Variants in DPYSL4 observed in about 807,000 individuals in gnomAD.
DPYSL4 encodes dihydropyrimidinase-related protein 4.
Under a neutral mutation model 63.4 loss-of-function variants are expected in DPYSL4, and 43 were observed. The observed-to-expected ratio is 0.68, with a 90% CI of 0.53 to 0.88. The LOEUF (loss-of-function observed/expected upper bound fraction) is 0.88. Ranked by LOEUF, DPYSL4 falls within the 40% of genes least tolerant of loss-of-function variation. The pLI is 0.00. For missense variants in DPYSL4, 733 were observed against 819.5 expected, an observed-to-expected ratio of 0.89 and a Z score of 1.29; for synonymous variants, 353 against 331.7, an observed-to-expected ratio of 1.06 and a Z score of -0.70.
Position 132,202,819 on chromosome 10 carries a change from C to T in DPYSL4, c.1455C>T (p.Arg485=). ...TTGTCTACAAGAGGATCAAAGCTCG[C>T]AACAGGGTAGGGCGGCACCCGCAAG... ...PDFVYKRIKA[R]NRLAEIHGVP... Residue 485 remains arginine (R), a synonymous_variant, in exon 12 of 14, where the codon CGC becomes CGT. Transcript: ENST00000338492. The T allele has an allele frequency of 6.3e-7, 1 of 1,596,380 alleles. No homozygotes were observed. Among genetic ancestry groups the T allele is most frequent in the East Asian group, 2.2e-5 (1 of 44,750 alleles).
In DPYSL4 at chr10:132,192,645, C is replaced by T; in HGVS notation, c.129-13C>T. The T allele has an allele frequency of 1.3e-6, 2 of 1,591,488 alleles. No homozygotes were observed. The highest frequency in any genetic ancestry group is 2.3e-5 in the East Asian group (1 of 44,368). On this transcript the variant is annotated splice_polypyrimidine_tract_variant and intron_variant, in intron 2 of 13. Coordinates refer to ENST00000338492, the MANE Select transcript of DPYSL4 (RefSeq NM_006426.3). ...GGGCTCCCTGTAACCAGTGAAATCT[C>T]TGCTGCTTTCAGACAAATCGGAGAA...
rs1489669402 is a variant in DPYSL4, at chr10:132,197,030, A to C, written c.550A>C (p.Ile184Leu). The C allele has an allele frequency of 6.2e-7, 1 of 1,604,282 alleles. No individual in the cohort carries two copies. The highest frequency in any genetic ancestry group is 1.3e-5 in the African/African-American group (1 of 74,758). ...CQCSDSQMYE[I>L]FSIIRDLGAL... is the part of the protein sequence containing the mutation. ...CCACTTCTCTTCCCAGATGTACGAG[A>C]TCTTCAGCATCATCCGGGACCTGGG... Residue 184 changes from isoleucine (I) to leucine (L), a missense_variant, in exon 6 of 14, where the codon ATC becomes CTC. Ile to Leu is a conservative substitution (Grantham distance 5, BLOSUM62 2). Coordinates refer to ENST00000338492, the MANE Select transcript of DPYSL4 (RefSeq NM_006426.3).
At chr10:132,197,446 C>A (rs2061960730) in intron 6 of DPYSL4, among the ~76,000 whole-genome samples, 1 of 152,236 alleles carries the variant, frequency 6.6e-6, no homozygotes, top group South Asian at 2.1e-4. Flanking sequence ...CACCTTCCTT[C>A]CAGCCAAGGG....
At chr10:132,202,153 G>T (rs2062026729) in intron 11 of DPYSL4, 37 bp downstream of exon 11, 1 of 1,595,602 alleles carries the variant, frequency 6.3e-7, no homozygotes, top group African/African-American at 1.3e-5. Context: ...GTTGGCCTTT[G>T]TGGGGCCGGG....
At position 132,204,848 on chromosome 10, in the gene DPYSL4, C is replaced by CTGA. The variant is rs2062074090; in HGVS notation, c.1641_1643dup (p.Asp548dup). 6.2e-7 allele frequency: 1 copy of CTGA among 1,611,088 alleles called. No homozygotes were observed. Among genetic ancestry groups the CTGA allele is most frequent in the Non-Finnish European group, 8.5e-7 (1 of 1,178,428 alleles). On this transcript the variant is annotated inframe_insertion, in exon 14 of 14. Transcript: ENST00000338492. The stretch of plus-strand genomic sequence containing the variant: ...TGTGCCCTTTCTTCAGGGTCTCAGG[C>CTGA]TGATGACCACATCGCCCGACGCACA...
At chr10:132,198,769 A>G in intron 7 of DPYSL4, 82 bp from the exon 8 acceptor site, 2 of 1,560,756 alleles carry the variant, frequency 1.3e-6, no homozygotes, top group Non-Finnish European at 1.7e-6. Context: ...CCCATGGGTG[A>G]CACCTGGGCA....
chr10:132,196,017 C>G (rs188102624), intron 4 of DPYSL4, among the ~76,000 whole-genome samples: 1 of 152,214 alleles, frequency 6.6e-6, no homozygotes, highest in Non-Finnish European at 1.5e-5. Flanking sequence ...CTCAGACACT[C>G]GGGGGCAGGC....
rs1411799877 is a variant in DPYSL4 at position 132,205,606 on chromosome 10, A to G, written c.*676A>G. On this transcript the variant is annotated 3_prime_UTR_variant, in exon 14 of 14. Transcript: ENST00000338492. ...TCCTTTAGGAAGACACTGTCCTCTTATTACAGATTGTGTATTTCCGTAGGC... is the reference window on the plus strand; with the variant it reads ...TCCTTTAGGAAGACACTGTCCTCTTGTTACAGATTGTGTATTTCCGTAGGC... 6.6e-6 allele frequency: 1 copy of G among 152,338 alleles called. No homozygotes were observed. The highest frequency in any genetic ancestry group is 1.5e-5 in the Non-Finnish European group (1 of 68,088). 9.4% of individuals were successfully genotyped at this position (152,338 alleles called of 1,614,324 possible).
intron 1 of DPYSL4, among the ~76,000 whole-genome samples, chr10:132,187,358 C>T (rs1279884908): frequency 9.6e-4 from 28 of 29,318 alleles, no homozygotes; most frequent in African/African-American, 2.9e-3. Context: ...CCGGCCCTGC[C>T]GGGCCCTGCC....
Position 132,191,203 on chromosome 10 carries a change from T to G in DPYSL4, c.128+368T>G, listed in dbSNP as rs79631893. ...GCAGTTGAAAGTATGTTCCCAGCTC[T>G]TGTGTACACACTGGTCACGTGGTAT... On this transcript the variant is annotated intron_variant, in intron 2 of 13. Coordinates refer to ENST00000338492, the MANE Select transcript of DPYSL4 (RefSeq NM_006426.3). 1.3e-3 allele frequency among the ~76,000 whole-genome samples: 95 copies of G among 72,500 alleles called. 5 individuals are homozygous for G. Among genetic ancestry groups the G allele is most frequent in the East Asian group, 4.0e-3 (2 of 494 alleles). 47.6% of individuals were successfully genotyped at this position (72,500 alleles called of 152,430 possible). A position where few individuals can be genotyped will look rare whatever the true frequency, so the allele number is the denominator to read the frequency against.
Position 132,194,855 on chromosome 10 carries a change from C to T in DPYSL4, c.324C>T (p.Val108=), listed in dbSNP as rs1381039870. The T allele has an allele frequency of 2.5e-6, 4 of 1,612,530 alleles. No homozygotes were observed. Among genetic ancestry groups the T allele is most frequent in the South Asian group, 1.1e-5 (1 of 91,010 alleles). The change falls in exon 4 of 14, where the codon GTC becomes GTT. Residue 108 remains valine (V), a synonymous_variant. Coordinates refer to ENST00000338492, the MANE Select transcript of DPYSL4 (RefSeq NM_006426.3). The part of the protein sequence containing the change: ...AGGTTMILDH[V]FPDTGVSLLA... Reference sequence around the variant, plus strand: ...ATGCTGCCTTCACAGTGGACCACGTCTTCCCCGACACGGGTGTGAGCCTGC... The same window carrying T: ...ATGCTGCCTTCACAGTGGACCACGTTTTCCCCGACACGGGTGTGAGCCTGC...
intron 1 of DPYSL4, among the ~76,000 whole-genome samples, chr10:132,187,933 C>T (rs114973854): frequency 0.015 from 2,356 of 152,248 alleles, 63 homozygotes; most frequent in African/African-American, 0.053. Context: ...GTCCCAGACC[C>T]GACTCTGGAC....
chr10:132,192,648 C>G lies in DPYSL4; in HGVS notation c.129-10C>G. 1 of 1,592,648 alleles carries G rather than the reference C, an allele frequency of 6.3e-7. No individual in the cohort carries two copies. Among genetic ancestry groups the G allele is most frequent in the South Asian group, 1.1e-5 (1 of 88,110 alleles). On this transcript the variant is annotated splice_polypyrimidine_tract_variant and intron_variant, in intron 2 of 13. Coordinates refer to ENST00000338492, the MANE Select transcript of DPYSL4 (RefSeq NM_006426.3). ...CTCCCTGTAACCAGTGAAATCTCTG[C>G]TGCTTTCAGACAAATCGGAGAAAAC...
At chr10:132,188,440 G>A (rs1175244245) in intron 1 of DPYSL4, among the ~76,000 whole-genome samples, 1 of 152,224 alleles carries the variant, frequency 6.6e-6, no homozygotes. Context: ...TCCCCTGGGA[G>A]GGGTGGAAAG....
Position 132,197,006 on chromosome 10 carries a change from C to G in DPYSL4, c.541-15C>G. 2 of 1,611,372 alleles carry G rather than the reference C, an allele frequency of 1.2e-6. No individual in the cohort carries two copies. The highest frequency in any genetic ancestry group is 1.7e-6 in the Non-Finnish European group (2 of 1,178,688). ...GGCGCAGCCCCACCCAGGACGCCAC[C>G]ACTTCTCTTCCCAGATGTACGAGAT... On this transcript the variant is annotated splice_polypyrimidine_tract_variant and intron_variant, in intron 5 of 13. Transcript: ENST00000338492.
chr10:132,200,083 C>CTGTGG (rs2061992377), intron 8 of DPYSL4, among the ~76,000 whole-genome samples: 1 of 152,186 alleles, frequency 6.6e-6, no homozygotes, highest in African/African-American at 2.4e-5. Context: ...GCTGGAGTGC[C>CTGTGG]CGGGGTCCTG....
intron 13 of DPYSL4, 108 bp downstream of exon 13, chr10:132,204,035 AC>A: frequency 1.4e-6 from 2 of 1,403,098 alleles, no homozygotes; most frequent in Non-Finnish European, 1.9e-6. Flanking sequence ...CACGGAAGGC[AC>A]CCAGCTGGGG....
rs775451521 is a variant in DPYSL4 at position 132,203,902 on chromosome 10, A to C, written c.1602A>C (p.Leu534=). 1.2e-6 allele frequency: 2 copies of C among 1,608,068 alleles called. No homozygotes were observed. Among genetic ancestry groups the C allele is most frequent in the African/African-American group, 1.3e-5 (1 of 74,812 alleles). ...TCTCCGTCCCTCCTGTGCGCAACCT[A>C]CATCAGTCGGGGTTCAGCCTATCTG... is the stretch of plus-strand genomic sequence containing the variant. The part of the protein sequence containing the change: ...GKISVPPVRN[L]HQSGFSLSGS... Residue 534 remains leucine (L), a synonymous_variant, in exon 13 of 14, where the codon CTA becomes CTC. Transcript: ENST00000338492.
Position 132,204,823 on chromosome 10 carries a change from T to C in DPYSL4, c.1628-16T>C. 1 of 1,599,954 alleles carries C rather than the reference T, an allele frequency of 6.3e-7. No homozygotes were observed. Reference sequence around the variant, plus strand: ...CCTGCCTCATTCTCCCCTGCCCATCTGTGCCCTTTCTTCAGGGTCTCAGGC... The same window carrying C: ...CCTGCCTCATTCTCCCCTGCCCATCCGTGCCCTTTCTTCAGGGTCTCAGGC... On this transcript the variant is annotated splice_polypyrimidine_tract_variant and intron_variant, in intron 13 of 13. Transcript: ENST00000338492.
Sources: gnomAD v4.1 joint callset for allele counts (sites outside exome capture counted in the v4.1 genomes callset) on GRCh38, gnomAD v4.1.1 for gene constraint, MANE v1.5 for transcripts, NCBI Gene and HGNC (gene_info 2026-07-23, HGNC 2026-07-21) for gene names.